The following FMN1 variants were observed in gnomAD, a reference collection of about 807,000 sequenced individuals.
FMN1 encodes formin-1.
In FMN1, 110 loss-of-function variants were observed where a neutral mutation model predicts 132.4. That is an observed-to-expected ratio of 0.83 (90% confidence interval 0.71 to 0.97). The LOEUF is 0.97. FMN1 is among the 50% of genes least tolerant of loss of function. The pLI, the probability that FMN1 is intolerant of heterozygous loss-of-function variation, is 0.00. For missense variants in FMN1, 1,792 were observed against 1,705.3 expected, an observed-to-expected ratio of 1.05 and a Z score of -0.90; for synonymous variants, 722 against 651.7, an observed-to-expected ratio of 1.11 and a Z score of -1.64.
intron 4 of FMN1, among the ~76,000 whole-genome samples, chr15:33,097,120 C>A (rs982822780): frequency 6.6e-6 from 1 of 151,802 alleles, no homozygotes; most frequent in African/African-American, 2.4e-5. Flanking sequence ...ATGGCAAAAC[C>A]CCATCTCTAC....
chr15:32,886,026 A>T (rs538645656), intron 16 of FMN1, among the ~76,000 whole-genome samples: 81 of 150,912 alleles, frequency 5.4e-4, no homozygotes, highest in African/African-American at 1.8e-3. Flanking sequence ...CTCAGCTCAC[A>T]CCAAGGCCTT....
chr15:32,955,047 T>C (rs1020636513), intron 9 of FMN1, among the ~76,000 whole-genome samples: 1 of 152,206 alleles, frequency 6.6e-6, no homozygotes, highest in Admixed American at 6.5e-5. Context: ...TTTAGAACTA[T>C]GTGGTACTAC....
intron 16 of FMN1, among the ~76,000 whole-genome samples, chr15:32,886,451 C>T (rs78729357): frequency 0.017 from 2,513 of 152,216 alleles, 65 homozygotes; most frequent in African/African-American, 0.058. Context: ...AGATCCGGAA[C>T]GACAATTCAG....
chr15:32,965,709 C>T (rs1157280773), intron 8 of FMN1, among the ~76,000 whole-genome samples: 1 of 152,168 alleles, frequency 6.6e-6, no homozygotes, highest in Non-Finnish European at 1.5e-5. Flanking sequence ...GTTTTGGCCA[C>T]ATTCACCTCT....
intron 4 of FMN1, among the ~76,000 whole-genome samples, chr15:33,125,443 AAGATTAT>A (rs1041639601): frequency 1.3e-5 from 1 of 76,830 alleles, no homozygotes. Context: ...ATATGTGTAG[AAGATTAT>A]TTAAAGGAAA....
In FMN1 at chr15:32,900,116, G is replaced by A. The variant is rs1201615625; in HGVS notation, c.3517C>T (p.His1173Tyr). 2.5e-6 allele frequency: 4 copies of A among 1,613,664 alleles called. No homozygotes were observed. In the East Asian group the frequency reaches 6.7e-5, roughly 27 times the overall value. Residue 1173 changes from histidine to tyrosine, a missense_variant, in exon 14 of 21, where the codon CAC becomes TAC. By Grantham distance (83) the His-to-Tyr change is moderately conservative. Coordinates refer to ENST00000616417, the MANE Select transcript of FMN1 (RefSeq NM_001277313.2). ...AAAATATCCTTCACGCTCTTCACGT[G>A]CAGCAAGTCCTGTGATGGCAAACAC... ...IITRASKDLL[H>Y]VKSVKDILAL...
intron 7 of FMN1, among the ~76,000 whole-genome samples, chr15:32,976,777 A>G (rs949350025): frequency 3.9e-5 from 6 of 152,190 alleles, no homozygotes; most frequent in Non-Finnish European, 8.8e-5. Context: ...GTAAAACCCA[A>G]TGAATGCAAT....
chr15:32,813,640 T>C (rs919031758), intron 17 of FMN1, among the ~76,000 whole-genome samples: 4 of 152,222 alleles, frequency 2.6e-5, no homozygotes, highest in South Asian at 4.1e-4. Flanking sequence ...GCTGCACAAC[T>C]ACCTGTATGC....
intron 3 of FMN1, among the ~76,000 whole-genome samples, chr15:33,166,133 C>T (rs1226093838): frequency 6.6e-6 from 1 of 152,128 alleles, no homozygotes; most frequent in Admixed American, 6.5e-5. Context: ...TCATGTGAGG[C>T]AGACATAGCA....
At chr15:33,158,005 A>G (rs56028243) in intron 3 of FMN1, among the ~76,000 whole-genome samples, 330 of 148,410 alleles carry the variant, frequency 2.2e-3, no homozygotes, top group African/African-American at 7.7e-3. Flanking sequence ...AAAAAAAAAA[A>G]AAAAAGAAAA....
At chr15:33,023,345 A>G (rs345851) in intron 6 of FMN1, among the ~76,000 whole-genome samples, 59,951 of 151,814 alleles carry the variant, frequency 0.39, 12,197 homozygotes, top group Admixed American at 0.48. Flanking sequence ...ATCGAGATAG[A>G]TAACACAATC....
In FMN1 at chr15:33,153,082, C is replaced by A; in HGVS notation, c.1833G>T (p.Lys611Asn). 4 of 1,534,344 alleles carry A rather than the reference C, an allele frequency of 2.6e-6. No individual in the cohort carries two copies. Among genetic ancestry groups the A allele is most frequent in the Non-Finnish European group, 3.5e-6 (4 of 1,146,162 alleles). ...ACTGGTGCTGGGGCTCAGCTGTGGT[C>A]TTCCCTGGCCCCAAGCTCTTTTCCA... ...ETLEKSLGPGKTTAEPQHQSP... is the reference protein window; with the variant it reads ...ETLEKSLGPGNTTAEPQHQSP... Residue 611 changes from lysine (K) to asparagine (N), a missense_variant, in exon 4 of 21, where the codon AAG becomes AAT. Coordinates refer to ENST00000616417, the MANE Select transcript of FMN1 (RefSeq NM_001277313.2).
At chr15:33,174,702 A>C (rs1324666618) in intron 3 of FMN1, among the ~76,000 whole-genome samples, 1 of 152,164 alleles carries the variant, frequency 6.6e-6, no homozygotes, top group East Asian at 1.9e-4. Flanking sequence ...TATTCTTGAG[A>C]GCATAGGATC....
chr15:32,941,684 G>T lies in FMN1; in HGVS notation c.3139-15423C>A, dbSNP rs145055278. 7.0e-4 allele frequency among the ~76,000 whole-genome samples: 107 copies of T among 152,200 alleles called. 2 individuals carry two copies. In the East Asian group the frequency reaches 0.02, roughly 28 times the overall value. ...CTAGTATTAAGAGACTTTTGGCAGT[G>T]AACTATTTTACCTGATGTTTGGCTC... On this transcript the variant is annotated intron_variant, in intron 9 of 20. Coordinates refer to ENST00000616417, the MANE Select transcript of FMN1 (RefSeq NM_001277313.2).
chr15:32,905,815 A>T (rs2060410877), intron 12 of FMN1, among the ~76,000 whole-genome samples: 1 of 152,224 alleles, frequency 6.6e-6, no homozygotes, highest in South Asian at 2.1e-4. Flanking sequence ...CCAGAGAATC[A>T]GAGTGGCATA....
At chr15:32,863,154 A>T (rs1190578189) in intron 16 of FMN1, among the ~76,000 whole-genome samples, 1 of 152,238 alleles carries the variant, frequency 6.6e-6, no homozygotes, top group African/African-American at 2.4e-5. Flanking sequence ...CAATAAATAC[A>T]TCAGTTCGGC....
intron 4 of FMN1, among the ~76,000 whole-genome samples, chr15:33,135,412 A>G (rs1429858329): frequency 1.3e-5 from 2 of 152,254 alleles, no homozygotes; most frequent in Non-Finnish European, 2.9e-5. Context: ...ATCTCAAAAT[A>G]AGATAAGCCA....
At chr15:32,907,555 G>A (rs2339163) in intron 12 of FMN1, among the ~76,000 whole-genome samples, 49,126 of 151,824 alleles carry the variant, frequency 0.32, 8,327 homozygotes, top group Non-Finnish European at 0.36. Context: ...TTGGGGACCC[G>A]TTTCTAGAGG....
chr15:33,178,356 G>A (rs1007186449), intron 3 of FMN1, among the ~76,000 whole-genome samples: 6 of 152,122 alleles, frequency 3.9e-5, no homozygotes, highest in Non-Finnish European at 8.8e-5. Flanking sequence ...CCTGGCCTGT[G>A]TATAAAGGCA....
Sources: allele counts gnomAD v4.1 joint callset (sites outside exome capture counted in the v4.1 genomes callset), GRCh38; gene constraint gnomAD v4.1.1; transcripts MANE v1.5; gene names NCBI Gene and HGNC (gene_info 2026-07-23, HGNC 2026-07-21).